Variants in NHSL1 observed in about 807,000 individuals in gnomAD.
The protein encoded by NHSL1 is NHS like 1.
In NHSL1, 48 loss-of-function variants were observed where a neutral mutation model predicts 95.0. The ratio of observed to expected loss-of-function variants is 0.51; its 90% CI spans 0.40 to 0.64. The LOEUF is 0.64. NHSL1 is among the 30% of genes least tolerant of loss of function. The probability of loss-of-function intolerance (pLI) is 0.00; values close to 1 mark genes in which losing one functional copy is unlikely to be tolerated. For synonymous variants in NHSL1, 783 were observed against 833.9 expected, an observed-to-expected ratio of 0.94 and a Z score of 1.05; for missense variants, 1,971 against 2,077.7, an observed-to-expected ratio of 0.95 and a Z score of 1.00.
chr6:138,464,715 C>CTTTTTTTTTTTTTT (rs1157342436), intron 3 of NHSL1, among the ~76,000 whole-genome samples: 6 of 119,024 alleles, frequency 5.0e-5, no homozygotes, highest in African/African-American at 1.0e-4. Context: ...TTTTTCTTTT[C>CTTTTTTTTTTTTTT]TTTTTTTTTT....
At chr6:138,517,608 A>T (rs1397232847) in intron 1 of NHSL1, among the ~76,000 whole-genome samples, 1 of 152,208 alleles carries the variant, frequency 6.6e-6, no homozygotes, top group African/African-American at 2.4e-5. Flanking sequence ...CAAACAATAG[A>T]ATCCAGTTTC....
At chr6:138,637,773 A>G (rs929632615) in intron 1 of NHSL1, among the ~76,000 whole-genome samples, 3 of 152,212 alleles carry the variant, frequency 2.0e-5, no homozygotes, top group Middle Eastern at 3.2e-3. Context: ...TCGTACAGTT[A>G]GTAGGAATGT....
upstream of NHSL1, among the ~76,000 whole-genome samples, chr6:138,546,048 C>T (rs1383493578): frequency 6.6e-6 from 1 of 152,164 alleles, no homozygotes; most frequent in African/African-American, 2.4e-5. Context: ...TCAGTTTAAC[C>T]TTTTGCTATT....
At chr6:138,621,142 G>A (rs1784651424) in intron 1 of NHSL1, among the ~76,000 whole-genome samples, 2 of 152,320 alleles carry the variant, frequency 1.3e-5, no homozygotes, top group South Asian at 4.2e-4. Context: ...AACATTAGTT[G>A]AGAAACCTGA....
intron 2 of NHSL1, among the ~76,000 whole-genome samples, chr6:138,489,318 T>C (rs1014824559): frequency 1.3e-5 from 2 of 152,218 alleles, no homozygotes; most frequent in Non-Finnish European, 2.9e-5. Context: ...TGTAAACAGA[T>C]ATTATGGCCT....
chr6:138,651,966 A>G (rs1435372188), intron 1 of NHSL1, among the ~76,000 whole-genome samples: 1 of 152,168 alleles, frequency 6.6e-6, no homozygotes, highest in African/African-American at 2.4e-5. Context: ...TACTGCTTCT[A>G]TTTCTTATTA....
intron 1 of NHSL1, among the ~76,000 whole-genome samples, chr6:138,582,477 G>T (rs1164941565): frequency 6.6e-6 from 1 of 152,172 alleles, no homozygotes; most frequent in African/African-American, 2.4e-5. Flanking sequence ...TTTGCTTTCA[G>T]TCACCCTGTT....
chr6:138,552,605 C>T (rs1294604571), intron 1 of NHSL1, among the ~76,000 whole-genome samples: 1 of 152,090 alleles, frequency 6.6e-6, no homozygotes, highest in East Asian at 1.9e-4. Context: ...TCCTAACACT[C>T]AAAGTGTTAG....
At chr6:138,476,651 AC>A (rs1250794267) in intron 2 of NHSL1, among the ~76,000 whole-genome samples, 9 of 150,912 alleles carry the variant, frequency 6.0e-5, no homozygotes, top group Non-Finnish European at 7.4e-5. Context: ...ACACAGAAAA[AC>A]CCCCGTCTCT....
chr6:138,429,635 A>C, intron 7 of NHSL1, 76 bp downstream of exon 7: 7 of 1,334,760 alleles, frequency 5.2e-6, no homozygotes, highest in Non-Finnish European at 6.0e-6. Context: ...CTCAAGGAAG[A>C]AAAGTAAATT....
At position 138,447,163 on chromosome 6, in the gene NHSL1, A is replaced by C. The variant is rs73776962; in HGVS notation, c.370T>G (p.Phe124Val). The C allele has an allele frequency of 5.1e-3, 7,972 of 1,551,492 alleles. 205 individuals carry two copies. The African/African-American group carries it at 0.069, about 13-fold the overall frequency. Residue 124 changes from phenylalanine (F) to valine (V), a missense_variant, in exon 4 of 8, where the codon TTT becomes GTT. Transcript: ENST00000343505. ...CSLSSSEEER[F>V]ISIRRPKTPA... The stretch of plus-strand genomic sequence containing the variant: ...GTTTTAGGTCTCCTGATGGAAATAA[A>C]TCTTTCTTCTTCTGATGAAGACAGA...
intron 1 of NHSL1, among the ~76,000 whole-genome samples, chr6:138,630,025 C>T (rs1006095865): frequency 3.3e-5 from 5 of 152,158 alleles, no homozygotes; most frequent in African/African-American, 1.2e-4. Flanking sequence ...ACTGCCTGGG[C>T]AACACAGTGA....
chr6:138,602,611 G>A (rs1189568985), intron 1 of NHSL1, among the ~76,000 whole-genome samples: 1 of 152,156 alleles, frequency 6.6e-6, no homozygotes, highest in African/African-American at 2.4e-5. Flanking sequence ...CCAAAGTGCT[G>A]GGACTACAGG....
At position 138,518,829 on chromosome 6, in the gene NHSL1, C is replaced by T. The variant is rs143088504; in HGVS notation, c.17-22458G>A. On this transcript the variant is annotated intron_variant, in intron 1 of 4. Coordinates refer to the NHSL1 transcript ENST00000342260. ...GGTCAGGAGTTCAAGACCAGCCTGG[C>T]CAACGTGGTGAAACCCCGTCTCTAC... Among the ~76,000 whole-genome samples the T allele has an allele frequency of 6.2e-3, 950 of 152,148 alleles. 23 individuals are homozygous for T. The highest frequency in any genetic ancestry group is 0.048 in the Admixed American group (736 of 15,280).
intron 2 of NHSL1, among the ~76,000 whole-genome samples, chr6:138,490,186 T>C (rs1779992654): frequency 6.6e-6 from 1 of 152,064 alleles, no homozygotes; most frequent in Admixed American, 6.5e-5. Flanking sequence ...AGATGAAGAA[T>C]TCAACGTGGT....
At chr6:138,620,913 G>A (rs1277493640) in intron 1 of NHSL1, among the ~76,000 whole-genome samples, 2 of 152,196 alleles carry the variant, frequency 1.3e-5, no homozygotes, top group Non-Finnish European at 2.9e-5. Context: ...CAGGAGTAAA[G>A]AGAGAGCAAT....
chr6:138,433,131 T>G lies in NHSL1; in HGVS notation c.1214A>C (p.His405Pro). Residue 405 changes from histidine (H) to proline (P), a missense_variant, in exon 6 of 8, where the codon CAT becomes CCT. By Grantham distance (77) the His-to-Pro change is moderately conservative. Around this residue, in one of 3 missense-constraint regions of NHSL1, gnomAD observed 1,602 missense variants for 1,654.5 expected, o/e 0.97. Coordinates refer to ENST00000343505, the MANE Select transcript of NHSL1 (RefSeq NM_001144060.2). ...GATGATGCTGGTGGAGTAGGTTGCA[T>G]GAGGAGAAACCACACACGCTGGGCT... ...IMSPACVVSP[H>P]ATYSTSIIPN... is the part of the protein sequence containing the mutation. 1 of 1,551,086 alleles carries G rather than the reference T, an allele frequency of 6.4e-7. No homozygotes were observed. The highest frequency in any genetic ancestry group is 8.7e-7 in the Non-Finnish European group (1 of 1,146,948).
rs372484291 is a variant in NHSL1, at chr6:138,434,435, A to G, written c.665-755T>C. On this transcript the variant is annotated intron_variant, in intron 5 of 7. Coordinates refer to ENST00000343505, the MANE Select transcript of NHSL1 (RefSeq NM_001144060.2). ...TAAAAAAAAAAAAAGACAGAAAGAA[A>G]GAAACACAAGGAAGGGCCAACAGAG... 1.7e-3 allele frequency among the ~76,000 whole-genome samples: 262 copies of G among 152,176 alleles called. 2 individuals are homozygous for G. The highest frequency in any genetic ancestry group is 6.0e-3 in the African/African-American group (250 of 41,526).
chr6:138,461,309 A>T (rs1481856754), intron 3 of NHSL1, among the ~76,000 whole-genome samples: 1 of 152,232 alleles, frequency 6.6e-6, no homozygotes, highest in Non-Finnish European at 1.5e-5. Context: ...TGGTACTTAA[A>T]GCCTTGGGAC....
Sources: allele counts gnomAD v4.1 joint callset (sites outside exome capture counted in the v4.1 genomes callset), GRCh38; gene constraint gnomAD v4.1.1; regional missense constraint gnomAD v4.1.1; transcripts MANE v1.5; gene names NCBI Gene and HGNC (gene_info 2026-07-23, HGNC 2026-07-21).